Variants in TAS2R14 observed in about 807,000 individuals in gnomAD.
The protein encoded by TAS2R14 is taste 2 receptor member 14.
For synonymous variants in TAS2R14, 131 were observed against 131.0 expected (o/e 1.00, Z 0.00); for missense variants, 383 against 372.0 (o/e 1.03, Z -0.24).
exon 1 of TAS2R14, chr12:10,938,969 T>C (rs1950345000): frequency 6.2e-7 from 1 of 1,613,570 alleles, no homozygotes; most frequent in Non-Finnish European, 8.5e-7. Context: ...TCTGAACATT[T>C]TTTCAGTGGC....
At chr12:10,938,766 T>C in exon 1 of TAS2R14, 1 of 1,613,856 alleles carries the variant, frequency 6.2e-7, no homozygotes, top group Non-Finnish European at 8.5e-7. Flanking sequence ...TGGATGTTTA[T>C]CAGTGCAATA....
exon 1 of TAS2R14, chr12:10,938,200 T>C (rs1294238976): frequency 2.5e-6 from 3 of 1,212,736 alleles, no homozygotes; most frequent in African/African-American, 1.5e-5. Flanking sequence ...TAAGGAAGTA[T>C]AAATTTATAT....
chr12:10,938,007 G>C, exon 1 of TAS2R14: 1 of 359,996 alleles, frequency 2.8e-6, no homozygotes, highest in Non-Finnish European at 4.9e-6. Flanking sequence ...TCTCAAAAAA[G>C]GTGAATGATT....
At chr12:10,939,129 T>A in exon 1 of TAS2R14, 1 of 1,602,600 alleles carries the variant, frequency 6.2e-7, no homozygotes, top group Non-Finnish European at 8.5e-7. Context: ...ACCAGTGCTA[T>A]GAAACTATTT....
chr12:10,939,144 A>G (rs1362975545), exon 1 of TAS2R14: 1 of 1,602,172 alleles, frequency 6.2e-7, no homozygotes, highest in South Asian at 1.1e-5. Flanking sequence ...CTATTTCCTA[A>G]ATTTCCAATT....
rs764628405 is a variant in TAS2R14, at chr12:10,938,740, G to T, written c.468C>A (p.Ile156=). ...AAGTCTTGTTTCTTCTGTATCCATT[G>T]ATACTGGCATTTATATGGATGTTTA... is the stretch of plus-strand genomic sequence containing the variant. Residue 156 remains isoleucine, a synonymous_variant, in exon 1 of 1, where the codon ATC becomes ATA. Transcript: ENST00000537503. The T allele has an allele frequency of 5.0e-6, 8 of 1,613,748 alleles. No individual in the cohort carries two copies. In the South Asian group the frequency reaches 8.8e-5, roughly 18 times the overall value.
At chr12:10,938,545 G>A (rs374071397) in exon 1 of TAS2R14, 3 of 1,614,010 alleles carry the variant, frequency 1.9e-6, no homozygotes, top group Non-Finnish European at 2.5e-6. Context: ...TGGTGCTGGC[G>A]TCTCCGGATA....
chr12:10,938,258 G>C, exon 1 of TAS2R14: 1 of 1,578,954 alleles, frequency 6.3e-7, no homozygotes, highest in Non-Finnish European at 8.6e-7. Context: ...ATATATTCAA[G>C]ATGATTCTCT....
exon 1 of TAS2R14, chr12:10,938,989 T>C: frequency 1.2e-6 from 2 of 1,613,284 alleles, no homozygotes; most frequent in Non-Finnish European, 1.7e-6. Flanking sequence ...CAAATAAAGC[T>C]GGGAAAAACA....
exon 1 of TAS2R14, chr12:10,938,641 T>C (rs1157023586): frequency 1.9e-6 from 3 of 1,613,670 alleles, no homozygotes; most frequent in Non-Finnish European, 2.5e-6. Flanking sequence ...AAGTAAAGGG[T>C]ATGAAAATGA....
exon 1 of TAS2R14, chr12:10,938,670 C>T (rs1950336163): frequency 6.2e-7 from 1 of 1,613,890 alleles, no homozygotes; most frequent in South Asian, 1.1e-5. Flanking sequence ...CTGGTTAATA[C>T]AATAAGACTG....
chr12:10,938,704 A>G lies in TAS2R14; in HGVS notation c.504T>C (p.Asp168=), dbSNP rs776763294. ...TGGAAAATCGTGTAAAGTTACTTGAATCAGAACTGCAAGTCTTGTTTCTTC... is the reference window on the plus strand; with the variant it reads ...TGGAAAATCGTGTAAAGTTACTTGAGTCAGAACTGCAAGTCTTGTTTCTTC... The change falls in exon 1 of 1, where the codon GAT becomes GAC. Residue 168 remains aspartate, a synonymous_variant. Transcript: ENST00000537503. 2.5e-6 allele frequency: 4 copies of G among 1,614,048 alleles called. No homozygotes were observed. The South Asian group carries it at 4.4e-5, about 18-fold the overall frequency.
At chr12:10,938,509 C>T (rs779672635) in exon 1 of TAS2R14, 3 of 1,613,980 alleles carry the variant, frequency 1.9e-6, no homozygotes, top group Non-Finnish European at 2.5e-6. Flanking sequence ...AGAAAGTGAT[C>T]ACACTTTTAA....
exon 1 of TAS2R14, chr12:10,939,008 C>T (rs1249076827): frequency 3.1e-6 from 5 of 1,613,504 alleles, no homozygotes; most frequent in Non-Finnish European, 4.2e-6. Flanking sequence ...CACAGACACA[C>T]ACCAGCTTCC....
chr12:10,938,946 T>G (rs751308393), exon 1 of TAS2R14: 1 of 1,613,798 alleles, frequency 6.2e-7, no homozygotes, highest in Non-Finnish European at 8.5e-7. Context: ...ACTGTCCAGA[T>G]ATTAGTAAGC....
chr12:10,938,685 A>G (rs758285269), exon 1 of TAS2R14: 4 of 1,614,076 alleles, frequency 2.5e-6, no homozygotes, highest in Non-Finnish European at 3.4e-6. Context: ...AGACTGGAAA[A>G]TCGTGTAAAG....
exon 5 of TAS2R14, chr12:10,938,512 AC>A: frequency 6.2e-7 from 1 of 1,614,062 alleles, no homozygotes. Flanking sequence ...AAGTGATCAC[AC>A]TTTTAACTCC....
chr12:10,937,502 C>G (rs1337623515), exon 1 of TAS2R14: 1 of 152,008 alleles, frequency 6.6e-6, no homozygotes, highest in Non-Finnish European at 1.5e-5. Context: ...GAATTTATCT[C>G]AAAGCTAGAG....
chr12:10,938,966 A>AT (rs778784911), intron 4 of TAS2R14: 49 of 1,613,440 alleles, frequency 3.0e-5, no homozygotes, highest in Middle Eastern at 1.6e-4. Context: ...CATTCTGAAC[A>AT]TTTTTTCAGT....
Sources: gnomAD v4.1 joint callset for allele counts on GRCh38, gnomAD v4.1.1 for gene constraint, MANE v1.5 for transcripts, NCBI Gene and HGNC (gene_info 2026-07-23, HGNC 2026-07-21) for gene names.